Variants in ELMO2 observed in about 807,000 individuals in gnomAD.
ELMO2 encodes engulfment and cell motility protein 2.
A neutral mutation model predicts 96.2 loss-of-function variants in ELMO2; 37 were observed. The observed-to-expected ratio is 0.38, with a 90% CI of 0.30 to 0.51. The LOEUF is 0.51. Ranked by LOEUF, ELMO2 falls within the 20% of genes least tolerant of loss-of-function variation. The pLI, the probability that ELMO2 is intolerant of heterozygous loss-of-function variation, is 0.88. For missense variants in ELMO2, 561 were observed against 912.6 expected (o/e 0.61, Z 4.96); for synonymous variants, 315 against 329.4 (o/e 0.96, Z 0.47).
chr20:46,369,959 GGGGTGTGTGTGTGTGTGTGTGTGTGT>G (rs2059665097), intron 20 of ELMO2: 3 of 251,034 alleles, frequency 1.2e-5, no homozygotes, highest in South Asian at 3.7e-5. Context: ...GATGGGTATG[GGGGTGTGTGTGTGTGTGTGTGTGTGT>G]GTGTGTGTGT....
At chr20:46,397,151 G>A (rs1252219015) in intron 2 of ELMO2, among the ~76,000 whole-genome samples, 1 of 152,040 alleles carries the variant, frequency 6.6e-6, no homozygotes, top group African/African-American at 2.4e-5. Flanking sequence ...ATGATTCTCG[G>A]CTGTTCAAAA....
chr20:46,368,830 G>A, intron 21 of ELMO2, 61 bp downstream of exon 21: 2 of 1,583,446 alleles, frequency 1.3e-6, no homozygotes, highest in Admixed American at 1.7e-5. Flanking sequence ...GCTCATTCCT[G>A]CCACCAACTG....
chr20:46,386,003 T>G, intron 9 of ELMO2, 121 bp downstream of exon 9: 1 of 1,148,008 alleles, frequency 8.7e-7, no homozygotes, highest in Non-Finnish European at 1.2e-6. Flanking sequence ...AGGTGATGAA[T>G]GAAGAAGCCA....
chr20:46,380,715 G>A (rs1315858383), intron 10 of ELMO2, among the ~76,000 whole-genome samples: 1 of 152,174 alleles, frequency 6.6e-6, no homozygotes. Context: ...GTGAAGCACT[G>A]ACTCCAAACA....
At chr20:46,399,811 G>A (rs1333761000) in intron 1 of ELMO2, among the ~76,000 whole-genome samples, 1 of 152,200 alleles carries the variant, frequency 6.6e-6, no homozygotes, top group Non-Finnish European at 1.5e-5. Context: ...TGTGCAGGCT[G>A]TCTGGTGTTC....
chr20:46,373,307 G>C, intron 16 of ELMO2, 92 bp downstream of exon 16: 1 of 1,555,420 alleles, frequency 6.4e-7, no homozygotes, highest in Admixed American at 1.8e-5. Flanking sequence ...TGCTTTTCCA[G>C]CTCAGGGATT....
intron 20 of ELMO2, 115 bp downstream of exon 20, chr20:46,370,328 A>G (rs1373675134): frequency 2.1e-6 from 2 of 964,468 alleles, no homozygotes; most frequent in East Asian, 2.4e-5. Flanking sequence ...ATTCTTAATA[A>G]AACATTCAGG....
intron 1 of ELMO2, among the ~76,000 whole-genome samples, chr20:46,399,715 C>T (rs1181389283): frequency 1.3e-5 from 2 of 152,220 alleles, no homozygotes; most frequent in Admixed American, 1.3e-4. Context: ...TCAGTAAGCA[C>T]CTGTGTCTGC....
At chr20:46,390,483 A>G (rs2060132525) in intron 6 of ELMO2, among the ~76,000 whole-genome samples, 1 of 152,220 alleles carries the variant, frequency 6.6e-6, no homozygotes, top group African/African-American at 2.4e-5. Context: ...TTGTTTTTTG[A>G]AAATGAAGGC....
Position 46,393,110 on chromosome 20 carries a change from G to T in ELMO2, c.226C>A (p.Gln76Lys), listed in dbSNP as rs774088400. 1.9e-6 allele frequency: 3 copies of T among 1,614,064 alleles called. No homozygotes were observed. The highest frequency in any genetic ancestry group is 2.5e-6 in the Non-Finnish European group (3 of 1,179,922). Residue 76 changes from glutamine (Q) to lysine (K), a missense_variant, in exon 6 of 22, where the codon CAA (glutamine) becomes AAA (lysine). Gln to Lys is a moderately conservative substitution (Grantham distance 53, BLOSUM62 1). Transcript: ENST00000290246. The stretch of plus-strand genomic sequence containing the variant: ...ATACCTACCGGGGAGATAGCCAGTT[G>T]TAAGATTGTCCCATTCTTAATGTCA... ...RSDIKNGTILQLAISPSRAAR... is the reference protein window; with the variant it reads ...RSDIKNGTILKLAISPSRAAR...
At chr20:46,387,551 A>T in intron 7 of ELMO2, 114 bp from the exon 8 acceptor site, 1 of 716,138 alleles carries the variant, frequency 1.4e-6, no homozygotes. Context: ...ATGGGAAATC[A>T]GTCGATGCAA....
In ELMO2 at chr20:46,384,240, CTTATT is replaced by C. The variant is rs911193897; in HGVS notation, c.678-751_678-747del. Among the ~76,000 whole-genome samples the C allele has an allele frequency of 1.2e-4, 18 of 152,174 alleles. 1 individual carries two copies. Among genetic ancestry groups the C allele is most frequent in the Admixed American group, 1.1e-3 (17 of 15,284 alleles). ...TATTTTTAAAGTCTTTGACTATAAA[CTTATT>C]TTATTATGAACAAACAAAATAACTA... On this transcript the variant is annotated intron_variant, in intron 9 of 21. Transcript: ENST00000290246.
rs2059725524 is a variant in ELMO2, at chr20:46,371,965, A to G, written c.1421T>C (p.Met474Thr). ...RATAEDFNKV[M>T]QVVREQITRA... Reference sequence around the variant, plus strand: ...AGTGATTTGCTCTCGGACGACTTGCATAACCTAAGAGGAGAAGAACCCAGC... The same window carrying G: ...AGTGATTTGCTCTCGGACGACTTGCGTAACCTAAGAGGAGAAGAACCCAGC... Residue 474 changes from methionine (M) to threonine (T), a missense_variant, in exon 17 of 22, where the codon ATG becomes ACG. By Grantham distance (81) the Met-to-Thr change is moderately conservative. Transcript: ENST00000290246. The surrounding 1 kb of genome is among the most constrained non-coding windows in gnomAD (Gnocchi z 5.9). The G allele has an allele frequency of 1.2e-6, 2 of 1,613,682 alleles. No individual in the cohort carries two copies. The highest frequency in any genetic ancestry group is 1.3e-5 in the African/African-American group (1 of 74,938).
intron 2 of ELMO2, among the ~76,000 whole-genome samples, chr20:46,396,011 G>A (rs1368096241): frequency 6.6e-6 from 1 of 152,208 alleles, no homozygotes; most frequent in Non-Finnish European, 1.5e-5. Flanking sequence ...CTTTTCCTTT[G>A]AGCCAGCCTC....
rs2060063194 is a variant in ELMO2 at position 46,387,281 on chromosome 20, A to G, written c.525+57T>C. 2.0e-6 allele frequency: 3 copies of G among 1,480,224 alleles called. No homozygotes were observed. In the South Asian group the frequency reaches 3.4e-5, roughly 17 times the overall value. The allele number at this position is 1,480,224 out of a possible 1,614,324, so 91.7% of individuals were successfully genotyped here. A position where few individuals can be genotyped will look rare whatever the true frequency, so the allele number is the denominator to read the frequency against. ...GCGATATTGCCTGTATCTCCCCTTAAGCCTTGTGAACTGGCAGCTGAGGGA... is the reference window on the plus strand; with the variant it reads ...GCGATATTGCCTGTATCTCCCCTTAGGCCTTGTGAACTGGCAGCTGAGGGA... On this transcript the variant is annotated intron_variant, in intron 8 of 21. Coordinates refer to ENST00000290246, the MANE Select transcript of ELMO2 (RefSeq NM_133171.5).
Position 46,394,535 on chromosome 20 carries a change from G to T in ELMO2, c.-50-3C>A. The T allele has an allele frequency of 1.3e-6, 2 of 1,575,782 alleles. No homozygotes were observed. The highest frequency in any genetic ancestry group is 1.7e-6 in the Non-Finnish European group (2 of 1,145,220). Reference sequence around the variant, plus strand: ...GACAAAAACACAGACACGGCTGCCTGGGGAGAAAGAATCAGAAAGGTGGAA... The same window carrying T: ...GACAAAAACACAGACACGGCTGCCTTGGGAGAAAGAATCAGAAAGGTGGAA... On this transcript the variant is annotated splice_polypyrimidine_tract_variant and splice_region_variant and intron_variant, in intron 2 of 21. Transcript: ENST00000290246.
At chr20:46,384,279 C>A (rs935465365) in intron 9 of ELMO2, among the ~76,000 whole-genome samples, 2 of 152,158 alleles carry the variant, frequency 1.3e-5, no homozygotes, top group Non-Finnish European at 2.9e-5. Context: ...TACAATCATT[C>A]TCTGGAATCT....
At chr20:46,374,817 T>C (rs1300432338) in intron 13 of ELMO2, among the ~76,000 whole-genome samples, 177 bp from the exon 14 acceptor site, 3 of 152,184 alleles carry the variant, frequency 2.0e-5, no homozygotes, top group East Asian at 1.9e-4. Flanking sequence ...TGCTGGACGG[T>C]GGCTGCCTCA....
In ELMO2 at chr20:46,367,114, C is replaced by T. The variant is rs890721579; in HGVS notation, c.*246G>A. 5 of 374,052 alleles carry T rather than the reference C, an allele frequency of 1.3e-5. No individual in the cohort carries two copies. The highest frequency in any genetic ancestry group is 2.1e-4 in the South Asian group (2 of 9,662). 23.2% of individuals were successfully genotyped at this position (374,052 alleles called of 1,614,324 possible). On this transcript the variant is annotated 3_prime_UTR_variant, in exon 22 of 22. Transcript: ENST00000290246. ...GCAAGGGCATCTGCTGTTTGTTCCTCGTGGCCCAATCCCAGGCTTCATGGT... is the reference window on the plus strand; with the variant it reads ...GCAAGGGCATCTGCTGTTTGTTCCTTGTGGCCCAATCCCAGGCTTCATGGT...
Sources: gnomAD v4.1 joint callset for allele counts (sites outside exome capture counted in the v4.1 genomes callset) on GRCh38, gnomAD v4.1.1 for gene constraint, Gnocchi (gnomAD v3.1) non-coding constraint, MANE v1.5 for transcripts, NCBI Gene and HGNC (gene_info 2026-07-23, HGNC 2026-07-21) for gene names.